Variants in PNPT1 observed in about 807,000 individuals in gnomAD.
The protein encoded by PNPT1 is polyribonucleotide nucleotidyltransferase 1, mitochondrial.
Under a neutral mutation model 119.5 loss-of-function variants are expected in PNPT1, and 53 were observed. The observed-to-expected ratio is 0.44, with a 90% CI of 0.36 to 0.56. The LOEUF is 0.56. Among genes scored for constraint, PNPT1 ranks in the 20% least tolerant of loss-of-function variants. The probability of loss-of-function intolerance (pLI) is 0.00; values close to 1 mark genes in which losing one functional copy is unlikely to be tolerated. For synonymous variants in PNPT1, 357 were observed against 322.1 expected (o/e 1.11, Z -1.16); for missense variants, 948 against 938.5 (o/e 1.01, Z -0.13).
chr2:55,661,091 C>CTTTT (rs1171064705), intron 14 of PNPT1, among the ~76,000 whole-genome samples: 18 of 71,596 alleles, frequency 2.5e-4, no homozygotes, highest in Admixed American at 3.6e-4. Context: ...AATAGAGATT[C>CTTTT]TTTTTTTTTT....
At chr2:55,685,921 G>A (rs923446784) in intron 3 of PNPT1, among the ~76,000 whole-genome samples, 1 of 151,954 alleles carries the variant, frequency 6.6e-6, no homozygotes, top group Admixed American at 6.6e-5. Context: ...TTTTTATACC[G>A]TATTGCGTAG....
rs1432810132 is a variant in PNPT1 at position 55,640,716 on chromosome 2, AT to A, written c.2070-12del. 1.4e-5 allele frequency: 21 copies of A among 1,492,898 alleles called. No homozygotes were observed. Among genetic ancestry groups the A allele is most frequent in the Non-Finnish European group, 1.9e-5 (20 of 1,073,736 alleles). 92.5% of individuals were successfully genotyped at this position (1,492,898 alleles called of 1,614,324 possible). A position where few individuals can be genotyped will look rare whatever the true frequency, so the allele number is the denominator to read the frequency against. ...ATTACACCAGTATCTCTACAAAAAA[AT>A]AAATAGTAAGCCTGGTTAAAATAAT... is the stretch of plus-strand genomic sequence containing the variant. On this transcript the variant is annotated splice_polypyrimidine_tract_variant and intron_variant, in intron 25 of 27. Coordinates refer to ENST00000447944, the MANE Select transcript of PNPT1 (RefSeq NM_033109.5).
At chr2:55,638,182 G>A in intron 26 of PNPT1, among the ~76,000 whole-genome samples, 1 of 151,662 alleles carries the variant, frequency 6.6e-6, no homozygotes, top group East Asian at 1.9e-4. Flanking sequence ...CACGCCTGTA[G>A]TCCCAGCTAC....
At chr2:55,667,129 G>C (rs574559489) in intron 12 of PNPT1, 36 bp from the exon 13 acceptor site, 2 of 1,488,910 alleles carry the variant, frequency 1.3e-6, no homozygotes, top group Non-Finnish European at 1.9e-6. Flanking sequence ...ATTAAGTAAC[G>C]CTGGAAACAG....
intron 11 of PNPT1, among the ~76,000 whole-genome samples, chr2:55,670,720 T>C (rs1696884616): frequency 6.6e-6 from 1 of 152,158 alleles, no homozygotes; most frequent in African/African-American, 2.4e-5. Flanking sequence ...TTTTAAAGAA[T>C]ATATTTGGGT....
intron 1 of PNPT1, among the ~76,000 whole-genome samples, chr2:55,690,844 T>G (rs1242494825): frequency 6.6e-6 from 1 of 152,200 alleles, no homozygotes; most frequent in Non-Finnish European, 1.5e-5. Context: ...GCTGGATTAG[T>G]ATGTTGAGTA....
intron 18 of PNPT1, among the ~76,000 whole-genome samples, chr2:55,654,626 T>G (rs1190702825): frequency 2.0e-5 from 3 of 152,248 alleles, no homozygotes. Flanking sequence ...TTTTCAGCCA[T>G]CTTGCCTCTG....
chr2:55,644,125 G>A (rs909398051), intron 23 of PNPT1, among the ~76,000 whole-genome samples: 6 of 152,096 alleles, frequency 3.9e-5, no homozygotes, highest in Non-Finnish European at 1.5e-5. Flanking sequence ...AAATGAATAA[G>A]GGACAAAATC....
In PNPT1 at chr2:55,662,155, C is replaced by G. The variant is rs1016160432; in HGVS notation, c.1177-129G>C. ...TACATCCTACACAAAGCTTGCCATG[C>G]TACTAACTGCATTAAACACTTATTT... On this transcript the variant is annotated intron_variant, in intron 13 of 27. Coordinates refer to ENST00000447944, the MANE Select transcript of PNPT1 (RefSeq NM_033109.5). 6 of 673,316 alleles carry G rather than the reference C, an allele frequency of 8.9e-6. No individual in the cohort carries two copies. The African/African-American group carries it at 9.4e-5, about 11-fold the overall frequency. The allele number at this position is 673,316 out of a possible 1,614,324, so 41.7% of individuals were successfully genotyped here.
intron 13 of PNPT1, among the ~76,000 whole-genome samples, chr2:55,666,589 C>T (rs2104105422): frequency 6.6e-6 from 1 of 152,226 alleles, no homozygotes; most frequent in South Asian, 2.1e-4. Context: ...GCCTGTATCC[C>T]AGAACACCAG....
chr2:55,668,023 G>C (rs1696792591), intron 11 of PNPT1, 65 bp from the exon 12 acceptor site: 2 of 1,376,090 alleles, frequency 1.5e-6, no homozygotes, highest in East Asian at 2.4e-5. Flanking sequence ...TTTCTCTAAA[G>C]TTCATAGCAT....
At chr2:55,660,801 A>C (rs1696541952) in intron 14 of PNPT1, among the ~76,000 whole-genome samples, 1 of 152,204 alleles carries the variant, frequency 6.6e-6, no homozygotes, top group Non-Finnish European at 1.5e-5. Context: ...TATAGACCTA[A>C]GACTAGAATA....
chr2:55,670,217 C>T (rs899621728), intron 11 of PNPT1, among the ~76,000 whole-genome samples: 9 of 151,632 alleles, frequency 5.9e-5, no homozygotes, highest in Admixed American at 1.3e-4. Context: ...GACAGAGTCT[C>T]GCTCCGTTGC....
At chr2:55,693,610 C>T (rs1299092626) in intron 1 of PNPT1, 53 bp downstream of exon 1, 8 of 1,597,056 alleles carry the variant, frequency 5.0e-6, no homozygotes, top group Non-Finnish European at 6.0e-6. Context: ...TACGCTCAAG[C>T]TGGCTGGACA....
At chr2:55,671,477 T>C (rs1005305694) in intron 10 of PNPT1, 101 bp from the exon 11 acceptor site, 4 of 640,636 alleles carry the variant, frequency 6.2e-6, no homozygotes, top group Non-Finnish European at 1.0e-5. Context: ...ATTACTCTGA[T>C]TTCTTTAATA....
intron 23 of PNPT1, 127 bp downstream of exon 23, chr2:55,644,510 T>C: frequency 1.6e-6 from 1 of 607,588 alleles, no homozygotes. Flanking sequence ...CGTCATATCC[T>C]TTTCTCCTGG....
chr2:55,685,081 T>G, intron 3 of PNPT1, 33 bp from the exon 4 acceptor site: 2 of 1,515,558 alleles, frequency 1.3e-6, no homozygotes. Context: ...TTCATATAAT[T>G]CTTTTTGCAG....
intron 1 of PNPT1, among the ~76,000 whole-genome samples, chr2:55,691,847 T>G (rs1697610460): frequency 1.3e-5 from 1 of 79,842 alleles, no homozygotes; most frequent in African/African-American, 4.3e-5. Flanking sequence ...ATTAAAAATG[T>G]TTATATATAT....
intron 8 of PNPT1, among the ~76,000 whole-genome samples, chr2:55,674,864 T>C (rs903641120): frequency 2.6e-5 from 4 of 152,364 alleles, no homozygotes; most frequent in Middle Eastern, 3.4e-3. Context: ...CTTTTTCTCA[T>C]CTGTATTTCC....
Sources: allele counts gnomAD v4.1 joint callset (sites outside exome capture counted in the v4.1 genomes callset), GRCh38; gene constraint gnomAD v4.1.1; transcripts MANE v1.5; gene names NCBI Gene and HGNC (gene_info 2026-07-23, HGNC 2026-07-21).